Variants in INSIG2 observed in about 807,000 individuals in gnomAD.
The protein encoded by INSIG2 is insulin induced gene 2, also known as insulin-induced gene 2 protein.
Under a neutral mutation model 27.2 loss-of-function variants are expected in INSIG2, and 10 were observed. The ratio of observed to expected loss-of-function variants is 0.37; its 90% CI spans 0.23 to 0.62. The LOEUF (loss-of-function observed/expected upper bound fraction) is 0.62, where lower values mean the gene tolerates loss of function less well. Among genes scored for constraint, INSIG2 ranks in the 20% least tolerant of loss-of-function variants. The pLI, the probability that INSIG2 is intolerant of heterozygous loss-of-function variation, is 0.65. For missense variants in INSIG2, 178 were observed against 270.2 expected (o/e 0.66, Z 2.39); for synonymous variants, 97 against 95.8 (o/e 1.01, Z -0.07).
At chr2:118,103,349 T>A in intron 3 of INSIG2, 28 bp downstream of exon 3, 1 of 1,579,728 alleles carries the variant, frequency 6.3e-7, no homozygotes, top group South Asian at 1.2e-5. Context: ...ATGAAATGCA[T>A]AATAACAAAG....
rs1678591120 is a variant in INSIG2 at position 118,103,182 on chromosome 2, CT to C, written c.245-9del. ...ACATTGGAGGTAACTTAATTTTTTTCTTTTTTCCCTACAGCTGTGATTGGGT... is the reference window on the plus strand; with the variant it reads ...ACATTGGAGGTAACTTAATTTTTTTCTTTTTCCCTACAGCTGTGATTGGGT... On this transcript the variant is annotated splice_polypyrimidine_tract_variant and intron_variant, in intron 2 of 5. Transcript: ENST00000245787. 1 of 1,585,730 alleles carries C rather than the reference CT, an allele frequency of 6.3e-7. No homozygotes were observed. Among genetic ancestry groups the C allele is most frequent in the Non-Finnish European group, 8.6e-7 (1 of 1,165,664 alleles).
rs1558832786 is a variant in INSIG2 at position 118,093,944 on chromosome 2, G to GATGAT, written c.-138-2475_-138-2474insATGAT. ...AACCAGATGATGATGATGATGATGA[G>GATGAT]GAGGAGGAGGAGGAGGAGGAGGAGG... On this transcript the variant is annotated intron_variant, in intron 1 of 5. Transcript: ENST00000245787. 1.2e-3 allele frequency among the ~76,000 whole-genome samples: 10 copies of GATGAT among 8,030 alleles called. 3 individuals carry two copies. Among genetic ancestry groups the GATGAT allele is most frequent in the African/African-American group, 6.1e-3 (10 of 1,644 alleles). The allele number at this position is 8,030 out of a possible 152,430, so 5.3% of individuals were successfully genotyped here. A position where few individuals can be genotyped will look rare whatever the true frequency, so the allele number is the denominator to read the frequency against.
rs1168002518 is a variant in INSIG2, at chr2:118,109,849, A to G, written c.*1527A>G. 1 of 152,378 alleles carries G rather than the reference A, an allele frequency of 6.6e-6. No individual in the cohort carries two copies. The highest frequency in any genetic ancestry group is 2.4e-5 in the African/African-American group (1 of 41,378). The allele number at this position is 152,378 out of a possible 1,614,324, so 9.4% of individuals were successfully genotyped here. ...CTATCGTGGTGGAAAACATACTACTATAATTTATTATTATATCTTCCAGAT... is the reference window on the plus strand; with the variant it reads ...CTATCGTGGTGGAAAACATACTACTGTAATTTATTATTATATCTTCCAGAT... On this transcript the variant is annotated 3_prime_UTR_variant, in exon 6 of 6. Transcript: ENST00000245787.
At chr2:118,094,601 A>C (rs981097528) in intron 1 of INSIG2, among the ~76,000 whole-genome samples, 4 of 152,242 alleles carry the variant, frequency 2.6e-5, no homozygotes, top group Non-Finnish European at 5.9e-5. Flanking sequence ...GAGTTCAATT[A>C]CATTATAGAC....
At chr2:118,090,315 T>C (rs1354977515) in intron 1 of INSIG2, among the ~76,000 whole-genome samples, 1 of 152,170 alleles carries the variant, frequency 6.6e-6, no homozygotes, top group Non-Finnish European at 1.5e-5. Flanking sequence ...TAGGGGGTGT[T>C]GCAGTTGTTA....
chr2:118,089,984 T>G (rs1678186989), intron 1 of INSIG2, among the ~76,000 whole-genome samples: 1 of 152,258 alleles, frequency 6.6e-6, no homozygotes, highest in African/African-American at 2.4e-5. Flanking sequence ...GCAGTGTTTA[T>G]AAGGCAAATA....
At chr2:118,100,373 C>CTT (rs70949913) in intron 2 of INSIG2, among the ~76,000 whole-genome samples, 8,616 of 81,580 alleles carry the variant, frequency 0.11, 775 homozygotes, top group East Asian at 0.13. Context: ...ACTCTTTTGC[C>CTT]TTTTTTTTTT....
intron 1 of INSIG2, among the ~76,000 whole-genome samples, chr2:118,090,456 A>T (rs1388751962): frequency 6.6e-6 from 1 of 152,238 alleles, no homozygotes; most frequent in African/African-American, 2.4e-5. Flanking sequence ...ATAATCACTT[A>T]TAACTCTTTT....
At chr2:118,104,346 G>C (rs1323259925) in intron 3 of INSIG2, among the ~76,000 whole-genome samples, 1 of 152,104 alleles carries the variant, frequency 6.6e-6, no homozygotes, top group Non-Finnish European at 1.5e-5. Flanking sequence ...AAAAGAGCAG[G>C]GTCCTAGATT....
chr2:118,097,906 TA>T (rs1678449007), intron 2 of INSIG2, among the ~76,000 whole-genome samples: 1 of 152,202 alleles, frequency 6.6e-6, no homozygotes, highest in Non-Finnish European at 1.5e-5. Context: ...GCTGGACAAT[TA>T]TAGAATCCTG....
chr2:118,098,779 T>C (rs1426454512), intron 2 of INSIG2, among the ~76,000 whole-genome samples: 1 of 152,218 alleles, frequency 6.6e-6, no homozygotes, highest in East Asian at 1.9e-4. Context: ...AGCCACTACT[T>C]TCCTTCCTGT....
At chr2:118,097,972 G>T (rs938249000) in intron 2 of INSIG2, among the ~76,000 whole-genome samples, 3 of 152,204 alleles carry the variant, frequency 2.0e-5, no homozygotes, top group African/African-American at 7.2e-5. Context: ...ATATACTGAT[G>T]TCTCACTATT....
intron 2 of INSIG2, chr2:118,102,535 C>T (rs1678572272): frequency 6.6e-6 from 1 of 152,194 alleles, no homozygotes; most frequent in Admixed American, 6.5e-5. Flanking sequence ...ATGAGTCTTA[C>T]CTGTAGATTT....
chr2:118,100,966 ATAACT>A (rs145502201), intron 2 of INSIG2, among the ~76,000 whole-genome samples: 4,215 of 152,292 alleles, frequency 0.028, 196 homozygotes, highest in African/African-American at 0.094. Flanking sequence ...TCACTGGGAA[ATAACT>A]TAAAGGTATC....
At chr2:118,093,999 C>T (rs867755068) in intron 1 of INSIG2, among the ~76,000 whole-genome samples, 2 of 51,144 alleles carry the variant, frequency 3.9e-5, no homozygotes, top group Admixed American at 3.0e-4. Context: ...TGAACCTTGC[C>T]AAAAGCAACC....
Position 118,108,880 on chromosome 2 carries a change from T to C in INSIG2, c.*558T>C, listed in dbSNP as rs1678742612. On this transcript the variant is annotated 3_prime_UTR_variant, in exon 6 of 6. Coordinates refer to ENST00000245787, the MANE Select transcript of INSIG2 (RefSeq NM_016133.4). Reference sequence around the variant, plus strand: ...TAGTTTCTAATTTAATGTTGTTTCATAGAGTTTGGAGTGTTTTGATACAGG... The same window carrying C: ...TAGTTTCTAATTTAATGTTGTTTCACAGAGTTTGGAGTGTTTTGATACAGG... 1 of 152,220 alleles carries C rather than the reference T, an allele frequency of 6.6e-6. No individual in the cohort carries two copies. The highest frequency in any genetic ancestry group is 2.1e-4 in the South Asian group (1 of 4,834). 9.4% of individuals were successfully genotyped at this position (152,220 alleles called of 1,614,324 possible).
intron 1 of INSIG2, among the ~76,000 whole-genome samples, chr2:118,090,954 C>T (rs1364392629): frequency 6.6e-6 from 1 of 152,188 alleles, no homozygotes. Context: ...AATCTATTGA[C>T]ATATTGTCCT....
At chr2:118,100,509 G>C (rs1678517360) in intron 2 of INSIG2, among the ~76,000 whole-genome samples, 1 of 149,734 alleles carries the variant, frequency 6.7e-6, no homozygotes, top group Admixed American at 6.8e-5. Flanking sequence ...CTTCCGAGTA[G>C]CTGGGATTAC....
chr2:118,093,805 T>G (rs1678327702), intron 1 of INSIG2, among the ~76,000 whole-genome samples: 2 of 98,106 alleles, frequency 2.0e-5, no homozygotes, highest in Non-Finnish European at 2.1e-5. Context: ...TTGATGATGA[T>G]GAAGGAGAGT....
Sources: gnomAD v4.1 joint callset for allele counts (sites outside exome capture counted in the v4.1 genomes callset) on GRCh38, gnomAD v4.1.1 for gene constraint, MANE v1.5 for transcripts, NCBI Gene and HGNC (gene_info 2026-07-23, HGNC 2026-07-21) for gene names.